The following LRRC37B variants were observed in gnomAD, a reference collection of about 807,000 sequenced individuals.
The protein encoded by LRRC37B is leucine-rich repeat-containing protein 37B.
Under a neutral mutation model 98.3 loss-of-function variants are expected in LRRC37B, and 28 were observed. That is an observed-to-expected ratio of 0.28 (90% CI 0.21 to 0.39). The LOEUF (loss-of-function observed/expected upper bound fraction) is 0.39. Among genes scored for constraint, LRRC37B ranks in the 10% least tolerant of loss-of-function variants. The pLI is 1.00. For synonymous variants in LRRC37B, 364 were observed against 442.7 expected (o/e 0.82, Z 2.23); for missense variants, 938 against 1,182.7 (o/e 0.79, Z 3.03).
rs577463728 is a variant in LRRC37B, at chr17:32,021,203, T to C, written c.138T>C (p.Ser46=). Residue 46 remains serine (S), a synonymous_variant, in exon 1 of 12, where the codon TCT becomes TCC. Transcript: ENST00000327564. ...CCCTCCTTACGTGGCAACTATTGTC[T>C]TTACTAGTCAAGGAGGCTCAGCCTC... 178 of 1,613,000 alleles carry C rather than the reference T, an allele frequency of 1.1e-4. No individual in the cohort carries two copies. In the South Asian group the frequency reaches 1.7e-3, roughly 16 times the overall value.
At chr17:32,038,841 G>C (rs532628066) in intron 7 of LRRC37B, among the ~76,000 whole-genome samples, 1 of 152,312 alleles carries the variant, frequency 6.6e-6, no homozygotes, top group East Asian at 1.9e-4. Flanking sequence ...CTGGGCAACA[G>C]AGTGAGACTC....
At position 32,021,376 on chromosome 17, in the gene LRRC37B, C is replaced by G; in HGVS notation, c.311C>G (p.Pro104Arg). 2 of 1,613,992 alleles carry G rather than the reference C, an allele frequency of 1.2e-6. No individual in the cohort carries two copies. Among genetic ancestry groups the G allele is most frequent in the Non-Finnish European group, 1.7e-6 (2 of 1,179,914 alleles). ...CCGGGGGACTTTGATTACCTGGGGC[C>G]CTCTGCTTCTTCGCAGATGTCAGCC... The change falls in exon 1 of 12, where the codon CCC becomes CGC. Residue 104 changes from proline (P) to arginine (R), a missense_variant. Pro to Arg is a moderately radical substitution (Grantham distance 103). Transcript: ENST00000327564.
upstream of LRRC37B, chr17:32,007,799 C>T (rs1186186738): frequency 8.4e-7 from 1 of 1,185,956 alleles, no homozygotes; most frequent in South Asian, 4.2e-5. This position sits in a 1 kb window ranked among gnomAD's most constrained non-coding sequence, Gnocchi z 4.1. Context: ...TGAGCTCGCC[C>T]AGGGTGGGCA....
intron 3 of LRRC37B, 86 bp from the exon 7 acceptor site, chr17:32,030,570 C>G: frequency 8.1e-7 from 1 of 1,232,880 alleles, no homozygotes; most frequent in East Asian, 2.7e-5. Context: ...AATGTGTATT[C>G]AATATTATTC....
exon 12 of LRRC37B, chr17:32,053,475 G>A (rs1229787561): frequency 3.4e-5 from 22 of 650,490 alleles, no homozygotes; most frequent in Non-Finnish European, 4.9e-5. Context: ...TAAAAATAAA[G>A]CTTGTTAGAT....
At chr17:32,032,631 G>T (rs1424204238) in intron 5 of LRRC37B, among the ~76,000 whole-genome samples, 1 of 152,100 alleles carries the variant, frequency 6.6e-6, no homozygotes, top group Non-Finnish European at 1.5e-5. Flanking sequence ...TGAGGTAGAG[G>T]GAGGTGTTCA....
chr17:32,041,964 G>A (rs1911452810), intron 7 of LRRC37B: 1 of 375,968 alleles, frequency 2.7e-6, no homozygotes, highest in Admixed American at 3.3e-5. Context: ...GTGTCCCTGT[G>A]GGGTGGCTCA....
At chr17:32,041,092 A>G in intron 7 of LRRC37B, 1 of 767,016 alleles carries the variant, frequency 1.3e-6, no homozygotes, top group Non-Finnish European at 2.4e-6. Flanking sequence ...GCGCAGCTGA[A>G]CTACCACTGG....
At chr17:32,043,432 G>A (rs537538938) in intron 7 of LRRC37B, among the ~76,000 whole-genome samples, 60 of 152,132 alleles carry the variant, frequency 3.9e-4, no homozygotes, top group Middle Eastern at 3.4e-3. Context: ...GTGGTGGCAC[G>A]CACCTGTAGT....
intron 4 of LRRC37B, 62 bp from the exon 8 acceptor site, chr17:32,031,315 AC>A (rs1911100355): frequency 6.3e-7 from 1 of 1,575,582 alleles, no homozygotes. Flanking sequence ...AATTAGACTC[AC>A]AGCAAATGAT....
chr17:32,022,919 G>C, intron 1 of LRRC37B, 94 bp downstream of exon 4: 1 of 1,218,260 alleles, frequency 8.2e-7, no homozygotes, highest in South Asian at 1.3e-5. Flanking sequence ...ATCTCCCCAA[G>C]CCATACTGAC....
At chr17:32,048,874 T>G (rs1911663457) in intron 9 of LRRC37B, 3 of 1,544,488 alleles carry the variant, frequency 1.9e-6, no homozygotes, top group Non-Finnish European at 2.7e-6. Context: ...TAGAAAACAC[T>G]AGTGTAAAAG....
chr17:32,034,522 A>C (rs1430750024), intron 5 of LRRC37B, among the ~76,000 whole-genome samples: 4 of 151,758 alleles, frequency 2.6e-5, no homozygotes, highest in East Asian at 3.9e-4. Context: ...AAAAAAAAAA[A>C]AACAACTTGA....
chr17:32,019,706 A>G (rs911676436), upstream of LRRC37B, among the ~76,000 whole-genome samples: 1 of 152,214 alleles, frequency 6.6e-6, no homozygotes, highest in Admixed American at 6.5e-5. Flanking sequence ...TTTTAATTCA[A>G]TTTAAATCAA....
chr17:32,040,743 G>A (rs1184367976), intron 7 of LRRC37B: 16 of 798,346 alleles, frequency 2.0e-5, no homozygotes, highest in Middle Eastern at 5.4e-4. Context: ...GCTGGGCAAC[G>A]AGTCCAACTT....
At chr17:32,026,079 C>T (rs956602628) in intron 2 of LRRC37B, among the ~76,000 whole-genome samples, 5 of 152,122 alleles carry the variant, frequency 3.3e-5, no homozygotes, top group Non-Finnish European at 1.5e-5. Context: ...CGTTTTCTTC[C>T]TGATTTATAG....
At chr17:32,012,615 T>A (rs1452429589) in intron 1 of LRRC37B, among the ~76,000 whole-genome samples, 1 of 151,882 alleles carries the variant, frequency 6.6e-6, no homozygotes, top group Non-Finnish European at 1.5e-5. Flanking sequence ...ACTTAGAAGG[T>A]TGAGGCAAGA....
upstream of LRRC37B, among the ~76,000 whole-genome samples, chr17:32,020,095 C>T (rs555533997): frequency 5.3e-5 from 8 of 152,224 alleles, no homozygotes; most frequent in Admixed American, 1.3e-4. Context: ...CCACCCACCT[C>T]GGCCTCCCAG....
chr17:32,032,585 T>C (rs1476094304), intron 5 of LRRC37B, among the ~76,000 whole-genome samples: 6 of 152,214 alleles, frequency 3.9e-5, no homozygotes, highest in Admixed American at 6.5e-5. Flanking sequence ...TCCACCTTTC[T>C]TGTGGTTCAG....
Sources: gnomAD v4.1 joint callset for allele counts (sites outside exome capture counted in the v4.1 genomes callset) on GRCh38, gnomAD v4.1.1 for gene constraint, Gnocchi (gnomAD v3.1) non-coding constraint, MANE v1.5 for transcripts, NCBI Gene and HGNC (gene_info 2026-07-23, HGNC 2026-07-21) for gene names.